Variants in POLD3 observed in about 807,000 individuals in gnomAD.
POLD3 encodes the protein DNA polymerase delta subunit 3.
Under a neutral mutation model 58.2 loss-of-function variants are expected in POLD3, and 19 were observed. The ratio of observed to expected loss-of-function variants is 0.33; its 90% confidence interval spans 0.23 to 0.48. The LOEUF (loss-of-function observed/expected upper bound fraction) is 0.48. Among genes scored for constraint, POLD3 ranks in the 20% least tolerant of loss-of-function variants. The probability of loss-of-function intolerance (pLI) is 0.99; values close to 1 mark genes in which losing one functional copy is unlikely to be tolerated. For synonymous variants in POLD3, 172 were observed against 193.5 expected (o/e 0.89, Z 0.92); for missense variants, 504 against 545.5 (o/e 0.92, Z 0.76).
downstream of POLD3, among the ~76,000 whole-genome samples, chr11:74,644,669 T>C (rs1460684641): frequency 6.6e-6 from 1 of 152,224 alleles, no homozygotes; most frequent in Non-Finnish European, 1.5e-5. Context: ...AGAATCCACC[T>C]TAACTCTACA....
downstream of POLD3, among the ~76,000 whole-genome samples, chr11:74,647,942 T>C (rs1358286021): frequency 6.6e-6 from 1 of 152,190 alleles, no homozygotes; most frequent in African/African-American, 2.4e-5. Context: ...AGATATTTAA[T>C]ACACTTTCTC....
At chr11:74,608,999 T>TA (rs1198338239) in intron 3 of POLD3, among the ~76,000 whole-genome samples, 5 of 152,184 alleles carry the variant, frequency 3.3e-5, no homozygotes, top group Admixed American at 3.3e-4. Context: ...CTGTTTTTTT[T>TA]ATGTTGTGAA....
At chr11:74,632,877 T>TATACACACACACACACACAC (rs1263669028) in intron 9 of POLD3, among the ~76,000 whole-genome samples, 3 of 115,730 alleles carry the variant, frequency 2.6e-5, no homozygotes, top group Admixed American at 8.9e-5. Flanking sequence ...TTTAAGTAAA[T>TATACACACACACACACACAC]ACACACACAC....
chr11:74,641,126 A>G lies in POLD3; in HGVS notation c.*360A>G, dbSNP rs2032903047. 1 of 998,488 alleles carries G rather than the reference A, an allele frequency of 1.0e-6. No individual in the cohort carries two copies. The allele number at this position is 998,488 out of a possible 1,614,324, so 61.9% of individuals were successfully genotyped here. ...CTATGCCCTGGTCCGCATATGGCAC[A>G]GGAATTATTCCTTCTTGTTCCTCTG... On this transcript the variant is annotated 3_prime_UTR_variant, in exon 12 of 12. Transcript: ENST00000263681.
intron 5 of POLD3, among the ~76,000 whole-genome samples, chr11:74,616,222 C>T (rs188431276): frequency 1.2e-3 from 184 of 152,304 alleles, no homozygotes; most frequent in Non-Finnish European, 1.9e-3. Context: ...ATAGGAAGCA[C>T]TTCAGTGAAA....
chr11:74,619,518 C>T (rs896498712), intron 6 of POLD3, among the ~76,000 whole-genome samples: 2 of 152,080 alleles, frequency 1.3e-5, no homozygotes, highest in Non-Finnish European at 2.9e-5. Context: ...TTGTTTAAAT[C>T]CTCTTATCAG....
intron 2 of POLD3, among the ~76,000 whole-genome samples, chr11:74,601,299 A>G (rs2031487281): frequency 6.6e-6 from 1 of 152,200 alleles, no homozygotes; most frequent in African/African-American, 2.4e-5. Context: ...CTTCTAACAC[A>G]ATTGTTGTAA....
At chr11:74,602,960 C>G (rs940039660) in intron 2 of POLD3, among the ~76,000 whole-genome samples, 13 of 152,206 alleles carry the variant, frequency 8.5e-5, no homozygotes, top group Non-Finnish European at 1.6e-4. Flanking sequence ...TGAGGCCTTC[C>G]CTAATCACCT....
chr11:74,669,318 A>G (rs963842460), downstream of POLD3, among the ~76,000 whole-genome samples: 8 of 152,366 alleles, frequency 5.3e-5, no homozygotes, highest in African/African-American at 1.9e-4. Flanking sequence ...CAGGAGGCCA[A>G]TAAAATGGAT....
chr11:74,606,270 A>G (rs183261064), intron 3 of POLD3, among the ~76,000 whole-genome samples: 1 of 152,336 alleles, frequency 6.6e-6, no homozygotes, highest in Non-Finnish European at 1.5e-5. Context: ...GACGTAACTC[A>G]TTTACTTGCA....
chr11:74,600,463 A>T (rs549997664), intron 2 of POLD3, among the ~76,000 whole-genome samples: 1 of 151,848 alleles, frequency 6.6e-6, no homozygotes, highest in African/African-American at 2.4e-5. Flanking sequence ...ACCTGGCGCT[A>T]CTGAAATACA....
intron 8 of POLD3, among the ~76,000 whole-genome samples, chr11:74,627,398 T>C (rs927407366): frequency 1.3e-5 from 2 of 152,174 alleles, no homozygotes; most frequent in African/African-American, 4.8e-5. Context: ...AGCTGTGTTA[T>C]TACAAAAGAG....
chr11:74,662,909 A>G lies in POLD3; in HGVS notation c.370-5868A>G, dbSNP rs533662000. ...TATGGCTGGTCTAAGTGCTCCTTCC[A>G]TGGACACACATCTGCTGAGTTCAGC... is the stretch of plus-strand genomic sequence containing the variant. On this transcript the variant is annotated intron_variant, in intron 4 of 4. Transcript: ENST00000524752. 2.0e-4 allele frequency among the ~76,000 whole-genome samples: 30 copies of G among 152,262 alleles called. No homozygotes were observed. In the South Asian group the frequency reaches 6.2e-3, roughly 32 times the overall value.
chr11:74,652,165 T>C (rs770247010), intron 4 of POLD3, among the ~76,000 whole-genome samples: 1 of 152,226 alleles, frequency 6.6e-6, no homozygotes, highest in Non-Finnish European at 1.5e-5. Context: ...AAATGCCTTG[T>C]AATAACAGCT....
intron 5 of POLD3, 25 bp from the exon 6 acceptor site, chr11:74,618,512 C>A: frequency 6.4e-7 from 1 of 1,559,318 alleles, no homozygotes; most frequent in Non-Finnish European, 8.8e-7. Flanking sequence ...CTGACATTAA[C>A]TTAATGTAAC....
downstream of POLD3, among the ~76,000 whole-genome samples, chr11:74,647,042 A>G (rs932833038): frequency 2.6e-5 from 4 of 152,226 alleles, no homozygotes; most frequent in African/African-American, 9.6e-5. Flanking sequence ...AGGAGTACAC[A>G]ACCTAGATCC....
At position 74,641,561 on chromosome 11, in the gene POLD3, A is replaced by G; in HGVS notation, c.*795A>G. ...GTGCTGCTGATACGGGGTGTGCTTT[A>G]TGCTGCTCTTTGCGGTTTGTTGATC... On this transcript the variant is annotated 3_prime_UTR_variant, in exon 12 of 12. Coordinates refer to ENST00000263681, the MANE Select transcript of POLD3 (RefSeq NM_006591.3). The G allele has an allele frequency of 2.0e-6, 2 of 985,436 alleles. No individual in the cohort carries two copies. Among genetic ancestry groups the G allele is most frequent in the Middle Eastern group, 5.2e-4 (1 of 1,914 alleles). 61.0% of individuals were successfully genotyped at this position (985,436 alleles called of 1,614,324 possible).
intron 3 of POLD3, among the ~76,000 whole-genome samples, chr11:74,607,241 T>TAC (rs2135128946): frequency 1.5e-5 from 1 of 65,458 alleles, no homozygotes; most frequent in Non-Finnish European, 2.6e-5. Context: ...TTATTATTAT[T>TAC]ATATATTTAT....
At chr11:74,648,505 G>C (rs1014923584) in intron 4 of POLD3, among the ~76,000 whole-genome samples, 2 of 152,232 alleles carry the variant, frequency 1.3e-5, no homozygotes, top group African/African-American at 4.8e-5. Context: ...GATTCACAGA[G>C]GAGGAAGTGC....
Sources: gnomAD v4.1 joint callset for allele counts (sites outside exome capture counted in the v4.1 genomes callset) on GRCh38, gnomAD v4.1.1 for gene constraint, MANE v1.5 for transcripts, NCBI Gene and HGNC (gene_info 2026-07-23, HGNC 2026-07-21) for gene names.